Variants in RTTN observed in about 807,000 individuals in gnomAD.
RTTN encodes the protein rotatin.
In RTTN, 182 loss-of-function variants were observed where a neutral mutation model predicts 269.2. The observed-to-expected ratio is 0.68, with a 90% CI of 0.60 to 0.76. The LOEUF (loss-of-function observed/expected upper bound fraction) is 0.76, where lower values mean the gene tolerates loss of function less well. Among genes scored for constraint, RTTN ranks in the 30% least tolerant of loss-of-function variants. The pLI is 0.00. For missense variants in RTTN, 2,545 were observed against 2,608.6 expected (o/e 0.98, Z 0.53); for synonymous variants, 1,006 against 963.5 (o/e 1.04, Z -0.82).
At chr18:70,183,577 G>A (rs2061466155) in intron 10 of RTTN, among the ~76,000 whole-genome samples, 1 of 152,102 alleles carries the variant, frequency 6.6e-6, no homozygotes, top group South Asian at 2.1e-4. Flanking sequence ...CTAGATCAGG[G>A]TTTCTCAACC....
At chr18:70,063,715 T>C (rs550238353) in intron 35 of RTTN, among the ~76,000 whole-genome samples, 204 of 152,328 alleles carry the variant, frequency 1.3e-3, no homozygotes, top group South Asian at 3.5e-3. Flanking sequence ...AGAGCAAGCA[T>C]ATATAGAAAC....
chr18:70,046,259 C>T (rs1487621895), intron 40 of RTTN, among the ~76,000 whole-genome samples: 1 of 152,172 alleles, frequency 6.6e-6, no homozygotes, highest in Non-Finnish European at 1.5e-5. Flanking sequence ...AGGACACCCA[C>T]AGTCATCCAT....
At chr18:70,027,834 T>C (rs916607465) in intron 43 of RTTN, among the ~76,000 whole-genome samples, 3 of 152,186 alleles carry the variant, frequency 2.0e-5, no homozygotes, top group African/African-American at 7.2e-5. Context: ...TTGTGAGTCA[T>C]GTATCTGGCT....
At chr18:70,023,105 C>G (rs1007680871) in intron 44 of RTTN, among the ~76,000 whole-genome samples, 6 of 152,044 alleles carry the variant, frequency 3.9e-5, no homozygotes, top group African/African-American at 9.7e-5. Context: ...TAACTTCTGC[C>G]CTCAGCCCAC....
At chr18:70,054,312 C>A in intron 37 of RTTN, 28 bp from the exon 38 acceptor site, 1 of 1,571,646 alleles carries the variant, frequency 6.4e-7, no homozygotes, top group South Asian at 1.2e-5. Context: ...AGGGTCAAAT[C>A]AAACATGCCA....
chr18:70,118,953 T>C (rs989299415), intron 26 of RTTN, among the ~76,000 whole-genome samples: 1 of 152,048 alleles, frequency 6.6e-6, no homozygotes, highest in Admixed American at 6.6e-5. Context: ...AGGCCATATA[T>C]GAAAAACCCA....
At chr18:70,006,883 C>T (rs1172260041) in intron 46 of RTTN, 1 of 168,142 alleles carries the variant, frequency 5.9e-6, no homozygotes, top group African/African-American at 2.4e-5. Context: ...ATCATACAAA[C>T]ACATCAGTAG....
intron 14 of RTTN, among the ~76,000 whole-genome samples, chr18:70,160,595 A>C (rs1229551718): frequency 6.6e-6 from 1 of 151,836 alleles, no homozygotes; most frequent in Non-Finnish European, 1.5e-5. Context: ...CAAGAAAAAT[A>C]AAAGGCATCC....
In RTTN at chr18:70,166,920, T is replaced by C; in HGVS notation, c.1801A>G (p.Ile601Val). ...IKEIISICSK[I>V]WKSAQASPLL... ...TCACATTAAGAAAGAAAATATTACA[T>C]CTTTGAACAAATGCTGATGATTTCC... Residue 601 changes from isoleucine (I) to valine (V), a missense_variant and splice_region_variant, in exon 13 of 49, where the codon ATC becomes GTC. Transcript: ENST00000640769. 6.2e-7 allele frequency: 1 copy of C among 1,601,364 alleles called. No individual in the cohort carries two copies. Among genetic ancestry groups the C allele is most frequent in the Non-Finnish European group, 8.6e-7 (1 of 1,169,110 alleles).
At chr18:70,189,180 TTA>T (rs1454827290) in intron 9 of RTTN, among the ~76,000 whole-genome samples, 1 of 152,222 alleles carries the variant, frequency 6.6e-6, no homozygotes, top group East Asian at 1.9e-4. Flanking sequence ...CATATGTACT[TTA>T]TGATGCCAAA....
chr18:70,058,761 A>G (rs2057892327), intron 36 of RTTN, among the ~76,000 whole-genome samples: 1 of 151,804 alleles, frequency 6.6e-6, no homozygotes, highest in African/African-American at 2.4e-5. Context: ...AAGCCAACTG[A>G]CTAGCAGTTA....
chr18:70,082,197 A>T (rs1219587377), intron 32 of RTTN, among the ~76,000 whole-genome samples: 1 of 152,202 alleles, frequency 6.6e-6, no homozygotes, highest in Admixed American at 6.5e-5. Context: ...TAAGTGCATG[A>T]AATTACCCTT....
At chr18:70,205,492 G>A in intron 1 of RTTN, 136 bp downstream of exon 1, 1 of 1,353,842 alleles carries the variant, frequency 7.4e-7, no homozygotes, top group East Asian at 2.3e-5. Flanking sequence ...TGGGTCCCCG[G>A]GGGCTATCCT....
intron 36 of RTTN, among the ~76,000 whole-genome samples, chr18:70,058,378 T>G (rs2057878926): frequency 6.6e-6 from 1 of 151,920 alleles, no homozygotes; most frequent in Non-Finnish European, 1.5e-5. Context: ...ATTAGCTGGG[T>G]GTAGTGGCAG....
rs185257834 is a variant in RTTN, at chr18:70,153,737, T to C, written c.1930-3004A>G. ...ATAGCCAATTAAAGTGAAATGCCTTTACAAATCCTTATATCCAAACCAAGA... is the reference window on the plus strand; with the variant it reads ...ATAGCCAATTAAAGTGAAATGCCTTCACAAATCCTTATATCCAAACCAAGA... On this transcript the variant is annotated intron_variant, in intron 14 of 48. Coordinates refer to ENST00000640769, the MANE Select transcript of RTTN (RefSeq NM_173630.4). Among the ~76,000 whole-genome samples the C allele has an allele frequency of 6.6e-5, 10 of 152,310 alleles. No individual in the cohort carries two copies. The East Asian group carries it at 1.9e-3, about 29-fold the overall frequency.
At chr18:70,171,716 T>A (rs2061147582) in intron 11 of RTTN, among the ~76,000 whole-genome samples, 1 of 152,184 alleles carries the variant, frequency 6.6e-6, no homozygotes, top group Non-Finnish European at 1.5e-5. Context: ...CATCACCTCA[T>A]GTGCATTGGG....
chr18:70,112,369 TAA>T (rs1341256316), intron 27 of RTTN, among the ~76,000 whole-genome samples: 2 of 146,886 alleles, frequency 1.4e-5, no homozygotes, highest in Non-Finnish European at 3.0e-5. Context: ...GCAAATTGGA[TAA>T]AGAGTCAAGA....
chr18:70,048,921 G>A (rs1465741203), intron 39 of RTTN, among the ~76,000 whole-genome samples: 1 of 151,782 alleles, frequency 6.6e-6, no homozygotes, highest in Non-Finnish European at 1.5e-5. Flanking sequence ...TGTTATTAAT[G>A]TTTTCATTAA....
intron 40 of RTTN, among the ~76,000 whole-genome samples, chr18:70,046,327 C>A (rs73964478): frequency 0.048 from 7,368 of 152,196 alleles, 254 homozygotes; most frequent in African/African-American, 0.096. Flanking sequence ...GGGCAGGGCC[C>A]AGCACACTGC....
Sources: allele counts gnomAD v4.1 joint callset (sites outside exome capture counted in the v4.1 genomes callset), GRCh38; gene constraint gnomAD v4.1.1; transcripts MANE v1.5; gene names NCBI Gene and HGNC (gene_info 2026-07-23, HGNC 2026-07-21).